Variants in CDC16 observed in about 807,000 individuals in gnomAD.
CDC16 encodes cell division cycle 16.
CDC16 carries 34 observed loss-of-function variants against 87.0 expected under a neutral mutation model. The observed-to-expected ratio is 0.39, with a 90% CI of 0.30 to 0.52. CDC16 has a LOEUF of 0.52. Ranked by LOEUF, CDC16 falls within the 20% of genes least tolerant of loss-of-function variation. CDC16 has a pLI of 0.74. For missense variants in CDC16, 653 were observed against 751.9 expected, an observed-to-expected ratio of 0.87 and a Z score of 1.54; for synonymous variants, 263 against 260.6, an observed-to-expected ratio of 1.01 and a Z score of -0.09.
At chr13:114,268,652 C>T (rs998271987) in intron 17 of CDC16, among the ~76,000 whole-genome samples, 1 of 152,116 alleles carries the variant, frequency 6.6e-6, no homozygotes, top group African/African-American at 2.4e-5. Flanking sequence ...AATAAAGGCC[C>T]TCAGGGAAAT....
intron 12 of CDC16, among the ~76,000 whole-genome samples, chr13:114,252,650 A>G (rs925660390): frequency 2.8e-4 from 37 of 133,344 alleles, no homozygotes; most frequent in East Asian, 7.9e-4. Flanking sequence ...TTACCAAAAA[A>G]AAAATCTCAA....
intron 1 of CDC16, among the ~76,000 whole-genome samples, chr13:114,236,436 T>C (rs2081253092): frequency 6.6e-6 from 1 of 152,210 alleles, no homozygotes; most frequent in Non-Finnish European, 1.5e-5. Context: ...ACAAAGATAT[T>C]ACAGGAATGT....
Position 114,262,864 on chromosome 13 carries a change from T to G in CDC16, c.1377-15T>G. ...GTGCTTTTACTGTAGCCAATAATTG[T>G]GTTCTCTCCCACAGAAAGTATGCTG... On this transcript the variant is annotated splice_polypyrimidine_tract_variant and intron_variant, in intron 15 of 17. Coordinates refer to ENST00000356221, the MANE Select transcript of CDC16 (RefSeq NM_001078645.3). 2 of 1,613,996 alleles carry G rather than the reference T, an allele frequency of 1.2e-6. No individual in the cohort carries two copies. The highest frequency in any genetic ancestry group is 1.7e-6 in the Non-Finnish European group (2 of 1,179,874).
intron 9 of CDC16, 163 bp from the exon 10 acceptor site, chr13:114,245,837 A>G: frequency 1.0e-5 from 6 of 575,998 alleles, no homozygotes; most frequent in South Asian, 1.0e-4. Context: ...TCCTTCATCT[A>G]ACTCTCCAGT....
intron 10 of CDC16, among the ~76,000 whole-genome samples, chr13:114,246,552 A>G (rs960868122): frequency 6.6e-5 from 10 of 152,214 alleles, no homozygotes; most frequent in Admixed American, 2.6e-4. Context: ...GACGACAAGA[A>G]TTTGCACCCT....
intron 17 of CDC16, among the ~76,000 whole-genome samples, chr13:114,267,081 C>T (rs902807035): frequency 3.9e-5 from 6 of 152,312 alleles, no homozygotes; most frequent in Middle Eastern, 3.4e-3. Context: ...TGAGGTTAAA[C>T]AGTATTCACA....
rs1265437278 is a variant in CDC16 at position 114,243,979 on chromosome 13, C to A, written c.757C>A (p.Leu253Ile). ...YNCDFKMCYK[L>I]TSVVMEKDPF... ...CTGTGATTTTAAAATGTGCTACAAG[C>A]TTACTTCTGTGTAAGTATATCCATC... is the stretch of plus-strand genomic sequence containing the variant. The change falls in exon 8 of 18, where the codon CTT becomes ATT. Residue 253 changes from leucine (L) to isoleucine (I), a missense_variant. Transcript: ENST00000356221. 2 of 1,607,520 alleles carry A rather than the reference C, an allele frequency of 1.2e-6. No homozygotes were observed. Among genetic ancestry groups the A allele is most frequent in the Admixed American group, 3.4e-5 (2 of 59,682 alleles).
At chr13:114,243,819 C>T (rs750994700) in intron 7 of CDC16, 37 bp from the exon 8 acceptor site, 2 of 1,555,800 alleles carry the variant, frequency 1.3e-6, no homozygotes, top group Admixed American at 1.8e-5. Flanking sequence ...TTTGTTTTTG[C>T]TCATTGAGTT....
At chr13:114,252,643 C>A (rs61973478) in intron 12 of CDC16, among the ~76,000 whole-genome samples, 1,480 of 129,526 alleles carry the variant, frequency 0.011, 22 homozygotes, top group African/African-American at 0.05. Context: ...TAATTTGTTA[C>A]CAAAAAAAAA....
At chr13:114,262,054 G>A (rs769701232) in intron 15 of CDC16, 106 bp downstream of exon 15, 16 of 619,094 alleles carry the variant, frequency 2.6e-5, no homozygotes, top group Non-Finnish European at 4.2e-5. Flanking sequence ...CAGCTTTCTT[G>A]TACTTGGCTG....
chr13:114,244,500 G>A (rs2138921448), intron 8 of CDC16: 1 of 165,336 alleles, frequency 6.0e-6, no homozygotes, highest in South Asian at 2.0e-4. Context: ...TTATTAGTTT[G>A]GTGCAAAAGT....
intron 11 of CDC16, chr13:114,247,318 C>A: frequency 3.8e-6 from 1 of 261,930 alleles, no homozygotes; most frequent in Non-Finnish European, 7.1e-6. Flanking sequence ...ACCACCATGC[C>A]TAGCTGATTT....
chr13:114,237,888 G>A (rs776627188), intron 3 of CDC16, among the ~76,000 whole-genome samples: 2 of 152,144 alleles, frequency 1.3e-5, no homozygotes, highest in African/African-American at 4.8e-5. Context: ...TTTAAAACAC[G>A]GATGTGGTTA....
chr13:114,247,087 AC>A (rs2081912488), intron 11 of CDC16, 83 bp downstream of exon 11: 3 of 805,308 alleles, frequency 3.7e-6, no homozygotes, highest in Non-Finnish European at 6.4e-6. Flanking sequence ...ATTAGTGAGT[AC>A]TTTAAAAGCA....
rs777025165 is a variant in CDC16, at chr13:114,246,074, AG to A, written c.897+26del. ...TGTAAGTAATATAACTTTTAGTCTT[AG>A]TTTTTTTTTTTTTACCTGTACTTTA... On this transcript the variant is annotated intron_variant, in intron 10 of 17. Coordinates refer to ENST00000356221, the MANE Select transcript of CDC16 (RefSeq NM_001078645.3). 4.5e-5 allele frequency: 51 copies of A among 1,140,242 alleles called. No homozygotes were observed. In the African/African-American group the frequency reaches 6.9e-4, roughly 16 times the overall value. 70.6% of individuals were successfully genotyped at this position (1,140,242 alleles called of 1,614,324 possible).
rs748507850 is a variant in CDC16 at position 114,272,199 on chromosome 13, A to G, written c.1619A>G (p.Asp540Gly). The G allele has an allele frequency of 1.3e-6, 2 of 1,535,180 alleles. No individual in the cohort carries two copies. The highest frequency in any genetic ancestry group is 1.8e-6 in the Non-Finnish European group (2 of 1,125,530). Residue 540 changes from aspartate to glycine, a missense_variant, in exon 18 of 18, where the codon GAC (aspartate) becomes GGC (glycine). Physicochemically the swap from Asp to Gly is moderately conservative, Grantham distance 94 (BLOSUM62 -1). Transcript: ENST00000356221. ...SEAYIGADIK[D>G]KLKCYDFDVH... ...TTCTTTTTAGGAGCAGACATTAAAG[A>G]CAAATTAAAATGTTATGACTTTGAT... is the stretch of plus-strand genomic sequence containing the variant.
At chr13:114,246,815 C>A in intron 10 of CDC16, 116 bp from the exon 11 acceptor site, 1 of 711,334 alleles carries the variant, frequency 1.4e-6, no homozygotes, top group African/African-American at 1.8e-5. Context: ...TCTAACTTAA[C>A]TAGAATATGT....
rs1293510037 is a variant in CDC16, at chr13:114,243,969, G to A, written c.747G>A (p.Met249Ile). The change falls in exon 8 of 18, where the codon ATG (methionine) becomes ATA (isoleucine). Residue 249 changes from methionine (M) to isoleucine (I), a missense_variant. Physicochemically the swap from Met to Ile is conservative, Grantham distance 10 (BLOSUM62 1). Transcript: ENST00000356221. ...ERHYYNCDFK[M>I]CYKLTSVVME... The stretch of plus-strand genomic sequence containing the variant: ...ATTATTATAACTGTGATTTTAAAAT[G>A]TGCTACAAGCTTACTTCTGTGTAAG... 5.0e-6 allele frequency: 8 copies of A among 1,608,922 alleles called. No individual in the cohort carries two copies. The highest frequency in any genetic ancestry group is 4.3e-6 in the Non-Finnish European group (5 of 1,175,902).
chr13:114,234,940 C>T lies in CDC16; in HGVS notation c.-145C>T, dbSNP rs1033060876. On this transcript the variant is annotated 5_prime_UTR_variant, in exon 1 of 18. Transcript: ENST00000356221. ...GGGGGGTGCGGGTGTGGGTGGGGAC[C>T]TGCGGCCTTCGAGTCCGCGGCCTTC... The T allele has an allele frequency of 3.5e-5, 17 of 481,026 alleles. No individual in the cohort carries two copies. The highest frequency in any genetic ancestry group is 1.4e-4 in the East Asian group (4 of 27,672). 29.8% of individuals were successfully genotyped at this position (481,026 alleles called of 1,614,324 possible).
Sources: gnomAD v4.1 joint callset for allele counts (sites outside exome capture counted in the v4.1 genomes callset) on GRCh38, gnomAD v4.1.1 for gene constraint, MANE v1.5 for transcripts, NCBI Gene and HGNC (gene_info 2026-07-23, HGNC 2026-07-21) for gene names.